Variants in DAP observed in about 807,000 individuals in gnomAD.
The protein encoded by DAP is death-associated protein 1.
Under a neutral mutation model 13.8 loss-of-function variants are expected in DAP, and 8 were observed. The observed-to-expected ratio is 0.58, with a 90% confidence interval of 0.34 to 1.05. DAP has a LOEUF of 1.05. DAP is among the 50% of genes least tolerant of loss of function. The pLI is 0.03. For missense variants in DAP, 106 were observed against 133.2 expected (o/e 0.80, Z 1.01); for synonymous variants, 47 against 47.5 (o/e 0.99, Z 0.04).
At chr5:10,744,036 CT>C (rs567292681) in intron 2 of DAP, among the ~76,000 whole-genome samples, 1 of 151,346 alleles carries the variant, frequency 6.6e-6, no homozygotes, top group Non-Finnish European at 1.5e-5. Flanking sequence ...AGTTGCAGGG[CT>C]TTTTTTTTCC....
intron 2 of DAP, among the ~76,000 whole-genome samples, chr5:10,697,197 TC>T (rs1253120972): frequency 6.6e-6 from 1 of 152,140 alleles, no homozygotes; most frequent in Non-Finnish European, 1.5e-5. Flanking sequence ...TTGGACATAG[TC>T]CTTTGCAGTA....
At chr5:10,696,827 T>C (rs924014546) in intron 2 of DAP, among the ~76,000 whole-genome samples, 3 of 152,170 alleles carry the variant, frequency 2.0e-5, no homozygotes, top group Admixed American at 1.3e-4. Flanking sequence ...GTTCTAAGCA[T>C]TGCGCTGTGC....
chr5:10,684,397 G>A (rs1162846465), intron 2 of DAP, among the ~76,000 whole-genome samples: 1 of 152,094 alleles, frequency 6.6e-6, no homozygotes, highest in East Asian at 1.9e-4. Flanking sequence ...GTCACCTCTT[G>A]ACATGTTAAC....
chr5:10,700,384 T>C (rs1287478039), intron 2 of DAP, among the ~76,000 whole-genome samples: 4 of 152,126 alleles, frequency 2.6e-5, no homozygotes, highest in African/African-American at 9.7e-5. Flanking sequence ...CCTGCAAATG[T>C]TAATGAATTA....
intron 2 of DAP, among the ~76,000 whole-genome samples, chr5:10,688,355 T>C (rs1738208534): frequency 6.6e-6 from 1 of 152,190 alleles, no homozygotes; most frequent in Non-Finnish European, 1.5e-5. Context: ...CAGATGATCA[T>C]TAGCATACAG....
intron 1 of DAP, among the ~76,000 whole-genome samples, chr5:10,755,660 G>A (rs868490821): frequency 6.6e-6 from 1 of 152,166 alleles, no homozygotes; most frequent in Non-Finnish European, 1.5e-5. Flanking sequence ...TAGGTTGTTT[G>A]TTACAACAGG....
intron 3 of DAP, chr5:10,683,270 G>C: frequency 1.8e-6 from 1 of 552,778 alleles, no homozygotes; most frequent in Non-Finnish European, 3.2e-6. Flanking sequence ...GAGTTCACTG[G>C]TGGGAGGTCT....
At chr5:10,697,875 T>A (rs1003206210) in intron 2 of DAP, among the ~76,000 whole-genome samples, 1 of 151,838 alleles carries the variant, frequency 6.6e-6, no homozygotes, top group African/African-American at 2.4e-5. Context: ...GCAACAGAAT[T>A]AGAGAGATGC....
intron 1 of DAP, among the ~76,000 whole-genome samples, chr5:10,756,745 C>T (rs1046883813): frequency 4.6e-5 from 7 of 152,172 alleles, no homozygotes; most frequent in African/African-American, 7.2e-5. Flanking sequence ...AGATTTTACA[C>T]ATCTCACTGC....
At chr5:10,712,457 T>G (rs1738877550) in intron 2 of DAP, among the ~76,000 whole-genome samples, 1 of 152,090 alleles carries the variant, frequency 6.6e-6, no homozygotes, top group South Asian at 2.1e-4. Context: ...CCGGCACAAT[T>G]CAGGGTATGG....
chr5:10,731,471 C>T (rs1579810876), intron 2 of DAP, among the ~76,000 whole-genome samples: 2 of 152,298 alleles, frequency 1.3e-5, no homozygotes, highest in South Asian at 4.1e-4. Context: ...AACCTCACTG[C>T]CCAGGCTCCA....
In DAP at chr5:10,748,147, T is replaced by C. The variant is rs758968384; in HGVS notation, c.152+28A>G. On this transcript the variant is annotated intron_variant, in intron 2 of 3. Transcript: ENST00000230895. Reference sequence around the variant, plus strand: ...AACCGAATAGGGTTTTTGGAAAACATGCTCAAGAGTCGCTAGCATCATCCC... The same window carrying C: ...AACCGAATAGGGTTTTTGGAAAACACGCTCAAGAGTCGCTAGCATCATCCC... 40 of 1,494,912 alleles carry C rather than the reference T, an allele frequency of 2.7e-5. No individual in the cohort carries two copies. The Admixed American group carries it at 4.5e-4, about 17-fold the overall frequency. 92.6% of individuals were successfully genotyped at this position (1,494,912 alleles called of 1,614,324 possible). A position where few individuals can be genotyped will look rare whatever the true frequency, so the allele number is the denominator to read the frequency against.
chr5:10,728,978 T>C (rs1033912726), intron 2 of DAP, among the ~76,000 whole-genome samples: 18 of 152,240 alleles, frequency 1.2e-4, no homozygotes, highest in African/African-American at 4.3e-4. Flanking sequence ...TTCTATGTGC[T>C]CTTTTAGGTT....
intron 1 of DAP, among the ~76,000 whole-genome samples, chr5:10,753,636 T>C (rs1740101607): frequency 1.3e-5 from 2 of 152,204 alleles, no homozygotes; most frequent in South Asian, 4.1e-4. Flanking sequence ...TGCTATCTGC[T>C]AGTGCCAAAT....
intron 2 of DAP, among the ~76,000 whole-genome samples, chr5:10,696,640 A>T (rs1738446203): frequency 6.6e-6 from 1 of 152,248 alleles, no homozygotes; most frequent in Non-Finnish European, 1.5e-5. Context: ...GTTTAGTGGC[A>T]ATAAGTAATG....
intron 1 of DAP, among the ~76,000 whole-genome samples, chr5:10,752,515 T>C (rs768507528): frequency 1.3e-5 from 2 of 152,208 alleles, no homozygotes; most frequent in Non-Finnish European, 2.9e-5. Flanking sequence ...TTTGTCGTGG[T>C]GGTTGTTATT....
intron 2 of DAP, among the ~76,000 whole-genome samples, chr5:10,732,364 C>T (rs552235554): frequency 6.6e-6 from 1 of 152,356 alleles, no homozygotes; most frequent in East Asian, 1.9e-4. Context: ...TTTTTCTCCT[C>T]AGCCCCTGGC....
intron 1 of DAP, among the ~76,000 whole-genome samples, chr5:10,752,716 C>T (rs911161915): frequency 6.6e-6 from 1 of 151,992 alleles, no homozygotes; most frequent in African/African-American, 2.4e-5. Context: ...GTGTGTGTGG[C>T]TGTGTGTGGG....
At chr5:10,754,601 C>A (rs1253608309) in intron 1 of DAP, among the ~76,000 whole-genome samples, 1 of 152,204 alleles carries the variant, frequency 6.6e-6, no homozygotes. Flanking sequence ...AAAATGAGTA[C>A]TGACTGGGCC....
Sources: allele counts gnomAD v4.1 joint callset (sites outside exome capture counted in the v4.1 genomes callset), GRCh38; gene constraint gnomAD v4.1.1; transcripts MANE v1.5; gene names NCBI Gene and HGNC (gene_info 2026-07-23, HGNC 2026-07-21).